The following MOSPD2 variants were observed in gnomAD, a reference collection of about 807,000 sequenced individuals.
The protein encoded by MOSPD2 is motile sperm domain-containing protein 2.
Under a neutral mutation model 41.7 loss-of-function variants are expected in MOSPD2, and 5 were observed. That is an observed-to-expected ratio of 0.12 (90% CI 0.06 to 0.25). The LOEUF is 0.25. Among genes scored for constraint, MOSPD2 ranks in the 10% least tolerant of loss-of-function variants. The pLI is 1.00. For synonymous variants in MOSPD2, 115 were observed against 126.9 expected, an observed-to-expected ratio of 0.91 and a Z score of 0.63; for missense variants, 282 against 375.2, an observed-to-expected ratio of 0.75 and a Z score of 2.05.
chrX:14,888,452 T>G (rs1002380024), intron 2 of MOSPD2, among the ~76,000 whole-genome samples: 3 of 109,882 alleles, frequency 2.7e-5, no homozygotes, highest in Non-Finnish European at 5.7e-5. Flanking sequence ...AAAATGGGAG[T>G]TTCCCTGCAC....
chrX:14,899,662 A>G (rs1226176218), intron 5 of MOSPD2, among the ~76,000 whole-genome samples: 1 of 108,126 alleles, frequency 9.2e-6, no homozygotes, highest in Non-Finnish European at 1.9e-5. Flanking sequence ...AAGGATGCTT[A>G]CTTTTAGTTT....
intron 2 of MOSPD2, among the ~76,000 whole-genome samples, chrX:14,887,769 T>C (rs1391799253): frequency 9.0e-6 from 1 of 111,694 alleles, no homozygotes; most frequent in Non-Finnish European, 1.9e-5. Context: ...AGAACACACA[T>C]ATGCATGTGT....
chrX:14,885,463 G>T (rs1237161164), intron 2 of MOSPD2: 1 of 112,183 alleles, frequency 8.9e-6, no homozygotes, highest in East Asian at 2.8e-4. Flanking sequence ...TTAAAGTTAA[G>T]TGTATCTTCT....
At chrX:14,889,724 A>G (rs1419176317) in intron 2 of MOSPD2, among the ~76,000 whole-genome samples, 1 of 111,944 alleles carries the variant, frequency 8.9e-6, no homozygotes, top group Admixed American at 9.5e-5. Flanking sequence ...ATGTAAGAAC[A>G]TTAATAAAAA....
chrX:14,873,663 A>G, intron 1 of MOSPD2, 26 bp from the exon 2 acceptor site: 1 of 1,204,715 alleles, frequency 8.3e-7, no homozygotes, highest in Non-Finnish European at 1.1e-6. Flanking sequence ...AGTAGTATCT[A>G]AGGTCCCATC....
chrX:14,882,969 G>T (rs1302353404), intron 2 of MOSPD2, among the ~76,000 whole-genome samples: 1 of 111,166 alleles, frequency 9.0e-6, no homozygotes, highest in East Asian at 2.8e-4. Flanking sequence ...GGCCAAGGCG[G>T]GTGGATCACA....
chrX:14,896,179 C>A (rs2092562905), intron 4 of MOSPD2, among the ~76,000 whole-genome samples: 2 of 110,629 alleles, frequency 1.8e-5, no homozygotes, highest in Non-Finnish European at 3.8e-5. Flanking sequence ...ATCTTGGCAG[C>A]TTTAGCTACC....
intron 2 of MOSPD2, among the ~76,000 whole-genome samples, chrX:14,888,195 TACACACACACGCAC>T (rs61400413): frequency 0.22 from 19,181 of 88,531 alleles, 1,735 homozygotes; most frequent in Non-Finnish European, 0.3. Context: ...GGAGAATATA[TACACACACACGCAC>T]ACACACACAC....
intron 4 of MOSPD2, among the ~76,000 whole-genome samples, chrX:14,896,619 A>C (rs1346530391): frequency 1.8e-5 from 2 of 111,555 alleles, no homozygotes; most frequent in Non-Finnish European, 3.8e-5. Context: ...TTCTCCTCTC[A>C]CCACTCATCA....
intron 2 of MOSPD2, among the ~76,000 whole-genome samples, chrX:14,885,917 C>A (rs1185050860): frequency 1.8e-5 from 2 of 111,888 alleles, no homozygotes; most frequent in African/African-American, 6.5e-5. Flanking sequence ...TCTGGGTCCT[C>A]AATGAACTCA....
chrX:14,882,372 TGAGTCAAAGGAAA>T (rs1032169797), intron 2 of MOSPD2, among the ~76,000 whole-genome samples: 2 of 110,961 alleles, frequency 1.8e-5, no homozygotes, highest in African/African-American at 3.3e-5. Flanking sequence ...TCAAGAGATA[TGAGTCAAAGGAAA>T]CAAAATTTCA....
intron 7 of MOSPD2, among the ~76,000 whole-genome samples, chrX:14,905,449 C>T (rs994365449): frequency 2.7e-5 from 3 of 110,561 alleles, no homozygotes; most frequent in African/African-American, 9.9e-5. Context: ...CATATAAAAT[C>T]GTATAGTATT....
chrX:14,899,489 A>G (rs1268317592), intron 5 of MOSPD2, among the ~76,000 whole-genome samples: 1 of 103,559 alleles, frequency 9.7e-6, no homozygotes, highest in African/African-American at 3.5e-5. Flanking sequence ...CACAGTGGCT[A>G]TAATGATTAG....
At chrX:14,914,890 C>G (rs1374549459) in intron 11 of MOSPD2, among the ~76,000 whole-genome samples, 2 of 111,810 alleles carry the variant, frequency 1.8e-5, no homozygotes, top group Non-Finnish European at 3.8e-5. Context: ...AAAAATTACT[C>G]TTTACTATGT....
intron 4 of MOSPD2, 74 bp downstream of exon 4, chrX:14,895,468 A>C (rs1181180184): frequency 3.2e-6 from 2 of 624,118 alleles, no homozygotes; most frequent in Non-Finnish European, 5.2e-6. Context: ...TGAATTAAGA[A>C]TTGGCAGAAC....
chrX:14,916,148 C>T (rs753926768), intron 12 of MOSPD2, 49 bp from the exon 13 acceptor site: 10 of 1,205,184 alleles, frequency 8.3e-6, no homozygotes, highest in African/African-American at 3.5e-5. Context: ...CATATCCAAC[C>T]GCTTTGAAGG....
chrX:14,914,716 G>A, intron 11 of MOSPD2, 117 bp downstream of exon 11: 1 of 454,385 alleles, frequency 2.2e-6, no homozygotes, highest in Non-Finnish European at 3.6e-6. Context: ...TTTTATTTAT[G>A]ACAATTTTTA....
At chrX:14,877,317 A>G (rs918552315) in intron 2 of MOSPD2, among the ~76,000 whole-genome samples, 9 of 112,015 alleles carry the variant, frequency 8.0e-5, no homozygotes, top group Non-Finnish European at 1.3e-4. Context: ...GATAGGTGTC[A>G]TAACAGTGGA....
Position 14,921,544 on chromosome X carries a change from A to C in MOSPD2, c.*1735A>C. ...TATGTTTTCTGTTCCTTGGCAAATAAATGAAGAAATAATTAGCCAAGATTG... is the reference window on the plus strand; with the variant it reads ...TATGTTTTCTGTTCCTTGGCAAATACATGAAGAAATAATTAGCCAAGATTG... On this transcript the variant is annotated 3_prime_UTR_variant, in exon 15 of 15. Coordinates refer to ENST00000380492, the MANE Select transcript of MOSPD2 (RefSeq NM_152581.4). The C allele has an allele frequency of 2.2e-6, 1 of 445,227 alleles. No homozygotes were observed. The highest frequency in any genetic ancestry group is 4.8e-5 in the East Asian group (1 of 20,869). The allele number at this position is 445,227 out of a possible 1,213,427, so 36.7% of individuals were successfully genotyped here.
Sources: allele counts gnomAD v4.1 joint callset (sites outside exome capture counted in the v4.1 genomes callset), GRCh38; gene constraint gnomAD v4.1.1; transcripts MANE v1.5; gene names NCBI Gene and HGNC (gene_info 2026-07-23, HGNC 2026-07-21).